FOXH1: variants seen among roughly 807,000 people sequenced by gnomAD.
The protein encoded by FOXH1 is forkhead box protein H1.
A neutral mutation model predicts 14.2 loss-of-function variants in FOXH1; 10 were observed. The ratio of observed to expected loss-of-function variants is 0.70; its 90% CI spans 0.43 to 1.19. FOXH1 has a LOEUF of 1.19. FOXH1 is among the 50% of genes most tolerant of loss of function. The pLI, the probability that FOXH1 is intolerant of heterozygous loss-of-function variation, is 0.00. For missense variants in FOXH1, 643 were observed against 492.1 expected, an observed-to-expected ratio of 1.31 and a Z score of -2.90; for synonymous variants, 273 against 209.5, an observed-to-expected ratio of 1.30 and a Z score of -2.62.
At chr8:144,475,288 G>A in intron 1 of FOXH1, 27 bp from the exon 2 acceptor site, 2 of 1,590,230 alleles carry the variant, frequency 1.3e-6, no homozygotes, top group African/African-American at 1.3e-5. Flanking sequence ...GCCGGCCGGC[G>A]CCGTGAGCCC....
At position 144,474,197 on chromosome 8, in the gene FOXH1, G is replaced by A; in HGVS notation, c.*41C>T. The A allele has an allele frequency of 1.4e-6, 2 of 1,445,516 alleles. No homozygotes were observed. The highest frequency in any genetic ancestry group is 1.9e-6 in the Non-Finnish European group (2 of 1,072,918). 89.5% of individuals were successfully genotyped at this position (1,445,516 alleles called of 1,614,324 possible). Reference sequence around the variant, plus strand: ...CTTGGCTCCCTGTCAACAAGGTGGGGGTGGGAGCGGGAGGGAGGAGTGGCC... The same window carrying A: ...CTTGGCTCCCTGTCAACAAGGTGGGAGTGGGAGCGGGAGGGAGGAGTGGCC... On this transcript the variant is annotated 3_prime_UTR_variant, in exon 3 of 3. Transcript: ENST00000377317.
Position 144,475,652 on chromosome 8 carries a change from G to A in FOXH1, c.105C>T (p.Pro35=). 3 of 1,430,720 alleles carry A rather than the reference G, an allele frequency of 2.1e-6. No homozygotes were observed. Among genetic ancestry groups the A allele is most frequent in the Non-Finnish European group, 2.8e-6 (3 of 1,089,878 alleles). 88.6% of individuals were successfully genotyped at this position (1,430,720 alleles called of 1,614,324 possible). A position where few individuals can be genotyped will look rare whatever the true frequency, so the allele number is the denominator to read the frequency against. Residue 35 remains proline (P), a synonymous_variant, in exon 1 of 3, where the codon CCC becomes CCT. Coordinates refer to ENST00000377317, the MANE Select transcript of FOXH1 (RefSeq NM_003923.3). ...KKRYLRHDKP[P]YTYLAMIALV... is the part of the protein sequence containing the mutation. Reference sequence around the variant, plus strand: ...AGGCGATCATGGCCAAGTAGGTGTAGGGGGGCTTGTCATGTCGCAGGTACC... The same window carrying A: ...AGGCGATCATGGCCAAGTAGGTGTAAGGGGGCTTGTCATGTCGCAGGTACC...
rs1382430987 is a variant in FOXH1, at chr8:144,473,555, G to C, written c.*683C>G. 3.6e-6 allele frequency: 4 copies of C among 1,116,132 alleles called. No individual in the cohort carries two copies. The highest frequency in any genetic ancestry group is 2.4e-6 in the Non-Finnish European group (2 of 817,798). 69.1% of individuals were successfully genotyped at this position (1,116,132 alleles called of 1,614,324 possible). The stretch of plus-strand genomic sequence containing the variant: ...CCCCTCCACCTCCGCAGCCAGTGAA[G>C]TGTGTTGTGCCTGCTGAAGTGATCA... On this transcript the variant is annotated 3_prime_UTR_variant, in exon 3 of 3. Transcript: ENST00000377317.
In FOXH1 at chr8:144,475,275, G is replaced by GCCGC; in HGVS notation, c.175-15_175-14insGCGG. 6.2e-7 allele frequency: 1 copy of GCCGC among 1,606,334 alleles called. No homozygotes were observed. The highest frequency in any genetic ancestry group is 8.5e-7 in the Non-Finnish European group (1 of 1,175,446). On this transcript the variant is annotated splice_polypyrimidine_tract_variant and intron_variant, in intron 1 of 2. Transcript: ENST00000377317. ...CTGACGGATGATCTGAAACCGCCAG[G>GCCGC]CGGCCGGCCGGCGCCGTGAGCCCAG...
rs757242299 is a variant in FOXH1, at chr8:144,474,476, G to A, written c.860C>T (p.Pro287Leu). ...LPTSYLPIYT[P>L]NVVMPLAPPP... ...TGGTGCCAAGGGCATTACCACATTG[G>A]GAGTGTAGATAGGCAAGTAGGAGGT... is the stretch of plus-strand genomic sequence containing the variant. The change falls in exon 3 of 3, where the codon CCC (proline) becomes CTC (leucine). Residue 287 changes from proline to leucine, a missense_variant. Physicochemically the swap from Pro to Leu is moderately conservative, Grantham distance 98. Coordinates refer to ENST00000377317, the MANE Select transcript of FOXH1 (RefSeq NM_003923.3). The A allele has an allele frequency of 6.2e-7, 1 of 1,612,334 alleles. No homozygotes were observed. The highest frequency in any genetic ancestry group is 8.5e-7 in the Non-Finnish European group (1 of 1,179,984).
rs542077597 is a variant in FOXH1, at chr8:144,475,385, A to G, written c.175-124T>C. 598 of 971,282 alleles carry G rather than the reference A, an allele frequency of 6.2e-4. No homozygotes were observed. In the African/African-American group the frequency reaches 7.1e-3, roughly 12 times the overall value. 60.2% of individuals were successfully genotyped at this position (971,282 alleles called of 1,614,324 possible). On this transcript the variant is annotated intron_variant, in intron 1 of 2. Coordinates refer to ENST00000377317, the MANE Select transcript of FOXH1 (RefSeq NM_003923.3). ...CGGCCCCTGCTGTCCCCGAAGAAGG[A>G]CATTTCTGCGCGGAAGCGCGGCAGA...
At position 144,473,556 on chromosome 8, in the gene FOXH1, T is replaced by G; in HGVS notation, c.*682A>C. ...CCCTCCACCTCCGCAGCCAGTGAAG[T>G]GTGTTGTGCCTGCTGAAGTGATCAC... On this transcript the variant is annotated 3_prime_UTR_variant, in exon 3 of 3. Transcript: ENST00000377317. 1 of 1,107,088 alleles carries G rather than the reference T, an allele frequency of 9.0e-7. No individual in the cohort carries two copies. Among genetic ancestry groups the G allele is most frequent in the South Asian group, 1.7e-5 (1 of 57,168 alleles). The allele number at this position is 1,107,088 out of a possible 1,614,324, so 68.6% of individuals were successfully genotyped here. A position where few individuals can be genotyped will look rare whatever the true frequency, so the allele number is the denominator to read the frequency against.
Position 144,474,856 on chromosome 8 carries a change from C to T in FOXH1, c.480G>A (p.Pro160=), listed in dbSNP as rs765850798. 8.1e-6 allele frequency: 13 copies of T among 1,611,534 alleles called. No homozygotes were observed. Among genetic ancestry groups the T allele is most frequent in the South Asian group, 4.4e-5 (4 of 91,028 alleles). The change falls in exon 3 of 3, where the codon CCG becomes CCA. Residue 160 remains proline (P), a synonymous_variant. Transcript: ENST00000377317. The stretch of plus-strand genomic sequence containing the variant: ...TGCTGAAGCCCTCACTGGGTGGTGG[C>T]GGGGGACTGGGCGGCCGGTATGGCC... ...HGRPYRPPSP[P]PPPSEGFSIK... is the part of the protein sequence containing the mutation.
chr8:144,474,647 C>G lies in FOXH1; in HGVS notation c.689G>C (p.Gly230Ala). 4 of 1,566,124 alleles carry G rather than the reference C, an allele frequency of 2.6e-6. No homozygotes were observed. Among genetic ancestry groups the G allele is most frequent in the Non-Finnish European group, 3.5e-6 (4 of 1,154,644 alleles). Residue 230 changes from glycine (G) to alanine (A), a missense_variant, in exon 3 of 3, where the codon GGG (glycine) becomes GCG (alanine). By Grantham distance (60) the Gly-to-Ala change is moderately conservative. Coordinates refer to ENST00000377317, the MANE Select transcript of FOXH1 (RefSeq NM_003923.3). Reference sequence around the variant, plus strand: ...GATGGCTCCCCCCTGCACAGTCTCCCCCTCCACTCTCGTGGGGCCAGGAAG... The same window carrying G: ...GATGGCTCCCCCCTGCACAGTCTCCGCCTCCACTCTCGTGGGGCCAGGAAG... The part of the protein sequence containing the change: ...CPLPGPTRVE[G>A]ETVQGGAIGP...
rs576710211 is a variant in FOXH1 at position 144,473,766 on chromosome 8, C to A, written c.*472G>T. 7.8e-4 allele frequency: 309 copies of A among 398,654 alleles called. No homozygotes were observed. Among genetic ancestry groups the A allele is most frequent in the South Asian group, 7.0e-3 (134 of 19,166 alleles). The allele number at this position is 398,654 out of a possible 1,614,324, so 24.7% of individuals were successfully genotyped here. ...TGCAAATTCCTTTACTGTTATCCCC[C>A]CCACCACCAGGACCATGTAGGGTGC... On this transcript the variant is annotated 3_prime_UTR_variant, in exon 3 of 3. Coordinates refer to ENST00000377317, the MANE Select transcript of FOXH1 (RefSeq NM_003923.3).
Position 144,474,490 on chromosome 8 carries a change from C to G in FOXH1, c.846G>C (p.Leu282Phe). ...TTACCACATTGGGAGTGTAGATAGG[C>G]AAGTAGGAGGTGGGCAGCTGCCCCC... Reference protein sequence around the residue: ...SLWGQLPTSYLPIYTPNVVMP... With the variant: ...SLWGQLPTSYFPIYTPNVVMP... The change falls in exon 3 of 3, where the codon TTG becomes TTC. Residue 282 changes from leucine (L) to phenylalanine (F), a missense_variant. Physicochemically the swap from Leu to Phe is conservative, Grantham distance 22. Coordinates refer to ENST00000377317, the MANE Select transcript of FOXH1 (RefSeq NM_003923.3). 1 of 1,611,662 alleles carries G rather than the reference C, an allele frequency of 6.2e-7. No individual in the cohort carries two copies. Among genetic ancestry groups the G allele is most frequent in the Non-Finnish European group, 8.5e-7 (1 of 1,179,928 alleles).
rs762392576 is a variant in FOXH1, at chr8:144,474,784, C to T, written c.552G>A (p.Gly184=). ...GAACTGGGCTGCTCTGTGGAGCTAG[C>T]CCCGGCCAGGGTGCCCCCTCCCCGG... ...GGSGEGAPWP[G]LAPQSSPVPA... Residue 184 remains glycine (G), a synonymous_variant, in exon 3 of 3, where the codon GGG becomes GGA. Transcript: ENST00000377317. 5 of 1,601,426 alleles carry T rather than the reference C, an allele frequency of 3.1e-6. No individual in the cohort carries two copies. The South Asian group carries it at 3.3e-5, about 11-fold the overall frequency.
chr8:144,475,620 A>G lies in FOXH1; in HGVS notation c.137T>C (p.Ile46Thr). 6.9e-7 allele frequency: 1 copy of G among 1,443,060 alleles called. No individual in the cohort carries two copies. The highest frequency in any genetic ancestry group is 9.1e-7 in the Non-Finnish European group (1 of 1,094,920). The allele number at this position is 1,443,060 out of a possible 1,614,324, so 89.4% of individuals were successfully genotyped here. A position where few individuals can be genotyped will look rare whatever the true frequency, so the allele number is the denominator to read the frequency against. ...CAGTCTGCGGGAGGGAGCGGCCTGA[A>G]TCACCAAGGCGATCATGGCCAAGTA... ...YTYLAMIALVIQAAPSRRLKL... is the reference protein window; with the variant it reads ...YTYLAMIALVTQAAPSRRLKL... Residue 46 changes from isoleucine to threonine, a missense_variant, in exon 1 of 3, where the codon ATT becomes ACT. Coordinates refer to ENST00000377317, the MANE Select transcript of FOXH1 (RefSeq NM_003923.3).
rs1438103154 is a variant in FOXH1, at chr8:144,475,772, G to T, written c.-16C>A. 1 of 1,381,920 alleles carries T rather than the reference G, an allele frequency of 7.2e-7. No individual in the cohort carries two copies. Among genetic ancestry groups the T allele is most frequent in the Non-Finnish European group, 9.4e-7 (1 of 1,065,572 alleles). 85.6% of individuals were successfully genotyped at this position (1,381,920 alleles called of 1,614,324 possible). A position where few individuals can be genotyped will look rare whatever the true frequency, so the allele number is the denominator to read the frequency against. ...AGGGCCCCATGCGGGACGGTAGACA[G>T]CGTGGGCAGGGGCCTGGCCGGGTGG... On this transcript the variant is annotated 5_prime_UTR_variant, in exon 1 of 3. It adds an upstream start codon to the 5' untranslated region. Transcript: ENST00000377317.
chr8:144,475,273 A>C lies in FOXH1; in HGVS notation c.175-12T>G, dbSNP rs745713125. The C allele has an allele frequency of 1.9e-6, 3 of 1,607,838 alleles. No individual in the cohort carries two copies. The highest frequency in any genetic ancestry group is 2.6e-6 in the Non-Finnish European group (3 of 1,176,428). ...ACCTGACGGATGATCTGAAACCGCC[A>C]GGCGGCCGGCCGGCGCCGTGAGCCC... On this transcript the variant is annotated splice_polypyrimidine_tract_variant and intron_variant, in intron 1 of 2. Coordinates refer to ENST00000377317, the MANE Select transcript of FOXH1 (RefSeq NM_003923.3).
At position 144,474,390 on chromosome 8, in the gene FOXH1, C is replaced by T. The variant is rs760591280; in HGVS notation, c.946G>A (p.Glu316Lys). 1 of 1,613,226 alleles carries T rather than the reference C, an allele frequency of 6.2e-7. No individual in the cohort carries two copies. Among genetic ancestry groups the T allele is most frequent in the Non-Finnish European group, 8.5e-7 (1 of 1,180,016 alleles). Residue 316 changes from glutamate (E) to lysine (K), a missense_variant, in exon 3 of 3, where the codon GAA (glutamate) becomes AAA (lysine). Physicochemically the swap from Glu to Lys is moderately conservative, Grantham distance 56. Transcript: ENST00000377317. Reference protein sequence around the residue: ...TSPAYWGVAPETRGPPGLLCD... With the variant: ...TSPAYWGVAPKTRGPPGLLCD... ...AGCAGCCCTGGGGGCCCTCGGGTTT[C>T]AGGGGCCACCCCCCAGTAGGCAGGG...
chr8:144,475,206 C>G lies in FOXH1; in HGVS notation c.230G>C (p.Trp77Ser). Reference protein sequence around the residue: ...FPFFREDYEGWKDSIRHNLSS... With the variant: ...FPFFREDYEGSKDSIRHNLSS... ...AAGGTTGTGGCGAATGGAGTCTTTCCAGCCCTCGTAGTCTTCCCTGAAGAA... is the reference window on the plus strand; with the variant it reads ...AAGGTTGTGGCGAATGGAGTCTTTCGAGCCCTCGTAGTCTTCCCTGAAGAA... The change falls in exon 2 of 3, where the codon TGG (tryptophan) becomes TCG (serine). Residue 77 changes from tryptophan to serine, a missense_variant. By Grantham distance (177) the Trp-to-Ser change is radical (BLOSUM62 -3). Coordinates refer to ENST00000377317, the MANE Select transcript of FOXH1 (RefSeq NM_003923.3). The G allele has an allele frequency of 6.2e-7, 1 of 1,613,672 alleles. No individual in the cohort carries two copies. The highest frequency in any genetic ancestry group is 8.5e-7 in the Non-Finnish European group (1 of 1,179,910).
Position 144,473,979 on chromosome 8 carries a change from C to CT in FOXH1, c.*258dup. The stretch of plus-strand genomic sequence containing the variant: ...GCTGAGAAGAGGGGACTAGGAAGGG[C>CT]TATTCCAGGCTCAGCCCTGCTCCTG... On this transcript the variant is annotated 3_prime_UTR_variant, in exon 3 of 3. Coordinates refer to ENST00000377317, the MANE Select transcript of FOXH1 (RefSeq NM_003923.3). 1 of 543,446 alleles carries CT rather than the reference C, an allele frequency of 1.8e-6. No homozygotes were observed. Among genetic ancestry groups the CT allele is most frequent in the Non-Finnish European group, 3.3e-6 (1 of 307,088 alleles). 33.7% of individuals were successfully genotyped at this position (543,446 alleles called of 1,614,324 possible).
rs766633958 is a variant in FOXH1, at chr8:144,474,561, C to T, written c.775G>A (p.Ala259Thr). ...CCGCTGGACCGTCCCCCAGGAACTG[C>T]GGTGCCCTGCAGTAAGTGGAGAGGC... ...AWPLHLLQGT[A>T]VPGGRSSGGH... Residue 259 changes from alanine to threonine, a missense_variant, in exon 3 of 3, where the codon GCA becomes ACA. Ala to Thr is a moderately conservative substitution (Grantham distance 58). Transcript: ENST00000377317. The T allele has an allele frequency of 8.7e-6, 14 of 1,610,572 alleles. No individual in the cohort carries two copies. The highest frequency in any genetic ancestry group is 9.3e-6 in the Non-Finnish European group (11 of 1,179,802).
Sources: gnomAD v4.1 joint callset for allele counts on GRCh38, gnomAD v4.1.1 for gene constraint, MANE v1.5 for transcripts, NCBI Gene and HGNC (gene_info 2026-07-23, HGNC 2026-07-21) for gene names.